ARIH1: variants seen among roughly 807,000 people sequenced by gnomAD.
ARIH1 encodes E3 ubiquitin-protein ligase ARIH1.
ARIH1 carries 8 observed loss-of-function variants against 85.0 expected under a neutral mutation model. The observed-to-expected ratio is 0.09, with a 90% CI of 0.06 to 0.17. The LOEUF is 0.17. ARIH1 is among the 10% of genes least tolerant of loss of function. The pLI is 1.00. For missense variants in ARIH1, 311 were observed against 718.1 expected (o/e 0.43, Z 6.48); for synonymous variants, 238 against 253.6 (o/e 0.94, Z 0.59).
In ARIH1 at chr15:72,474,435, T is replaced by TCCCTCCCTCCCTCCTCCGCG; in HGVS notation, c.-197_-178dup. On this transcript the variant is annotated 5_prime_UTR_variant, in exon 1 of 14. Transcript: ENST00000379887. The stretch of plus-strand genomic sequence containing the variant: ...GGCGGGCAGCAAGCGGCCCCCTCGC[T>TCCCTCCCTCCCTCCTCCGCG]CCCTCCCTCCCTCCTCCGCGCCCTC... The TCCCTCCCTCCCTCCTCCGCG allele has an allele frequency of 1.6e-6, 1 of 622,922 alleles. No individual in the cohort carries two copies. Among genetic ancestry groups the TCCCTCCCTCCCTCCTCCGCG allele is most frequent in the South Asian group, 1.9e-5 (1 of 51,550 alleles). 38.6% of individuals were successfully genotyped at this position (622,922 alleles called of 1,614,324 possible).
intron 1 of ARIH1, among the ~76,000 whole-genome samples, chr15:72,507,781 A>G (rs1409426829): frequency 5.9e-5 from 9 of 152,246 alleles, no homozygotes; most frequent in Non-Finnish European, 1.3e-4. Flanking sequence ...TTAAAGCTTC[A>G]GCTAGGACAG....
intron 1 of ARIH1, 126 bp from the exon 2 acceptor site, chr15:72,517,941 A>G: frequency 1.6e-6 from 1 of 626,724 alleles, no homozygotes; most frequent in East Asian, 2.8e-5. Flanking sequence ...AGAGGAATAA[A>G]GAAATAACTC....
In ARIH1 at chr15:72,586,940, A is replaced by T. The variant is rs1334402015; in HGVS notation, c.*3648A>T. The T allele has an allele frequency of 3.8e-6, 1 of 262,398 alleles. No homozygotes were observed. The highest frequency in any genetic ancestry group is 3.9e-5 in the South Asian group (1 of 25,838). The allele number at this position is 262,398 out of a possible 1,614,324, so 16.3% of individuals were successfully genotyped here. ...ATTTTAGCTCACTCTTAAAGCTGAT[A>T]CTGTTATATAGGGATGAAGGGAGAG... On this transcript the variant is annotated 3_prime_UTR_variant, in exon 14 of 14. Transcript: ENST00000379887.
chr15:72,570,351 G>A (rs1306608159), intron 10 of ARIH1, 44 bp downstream of exon 10: 1 of 1,609,524 alleles, frequency 6.2e-7, no homozygotes, highest in African/African-American at 1.3e-5. Context: ...ACATAAGTAT[G>A]TGCCATGTAT....
intron 12 of ARIH1, 83 bp from the exon 13 acceptor site, chr15:72,581,992 A>AGTCAACAAAACAGT (rs1360443038): frequency 3.5e-6 from 3 of 860,034 alleles, no homozygotes; most frequent in Non-Finnish European, 5.7e-6. Context: ...TGTTGAGAGC[A>AGTCAACAAAACAGT]GTCTGTAGTC....
At position 72,548,446 on chromosome 15, in the gene ARIH1, G is replaced by C. The variant is rs181122262; in HGVS notation, c.588+3482G>C. On this transcript the variant is annotated intron_variant, in intron 3 of 13. Coordinates refer to ENST00000379887, the MANE Select transcript of ARIH1 (RefSeq NM_005744.5). ...AGACTTCATGGGCTAAAGAGTCACT[G>C]ACTTGAAGGTGGGAAAGGAAATGGA... 1.3e-3 allele frequency among the ~76,000 whole-genome samples: 192 copies of C among 152,214 alleles called. No individual in the cohort carries two copies. In the Middle Eastern group the frequency reaches 0.014, roughly 11 times the overall value.
intron 2 of ARIH1, among the ~76,000 whole-genome samples, chr15:72,534,299 A>G (rs2064071099): frequency 6.6e-6 from 1 of 152,030 alleles, no homozygotes; most frequent in Non-Finnish European, 1.5e-5. Flanking sequence ...TAATTATTAA[A>G]AAAAAAAACA....
At chr15:72,529,367 C>A (rs999220906) in intron 2 of ARIH1, among the ~76,000 whole-genome samples, 5 of 152,174 alleles carry the variant, frequency 3.3e-5, no homozygotes, top group African/African-American at 7.2e-5. Context: ...CCTCAGCCTC[C>A]CTAGTGGGTA....
At chr15:72,534,715 A>G (rs1480378615) in intron 2 of ARIH1, among the ~76,000 whole-genome samples, 27 of 152,126 alleles carry the variant, frequency 1.8e-4, no homozygotes, top group Admixed American at 1.7e-3. Flanking sequence ...CATCAAAGCC[A>G]TACTCCCCGG....
chr15:72,548,378 T>C (rs1014644758), intron 3 of ARIH1, among the ~76,000 whole-genome samples: 2 of 152,124 alleles, frequency 1.3e-5, no homozygotes, highest in Admixed American at 6.5e-5. Context: ...ATTTAAAAAG[T>C]TAATTTGAAA....
intron 1 of ARIH1, among the ~76,000 whole-genome samples, chr15:72,500,315 G>A (rs1022120059): frequency 6.6e-6 from 1 of 152,038 alleles, no homozygotes; most frequent in Non-Finnish European, 1.5e-5. Flanking sequence ...GGATGATGTC[G>A]ATCTCTTGAC....
In ARIH1 at chr15:72,546,940, G is replaced by C. The variant is rs78490143; in HGVS notation, c.588+1976G>C. On this transcript the variant is annotated intron_variant, in intron 3 of 13. Coordinates refer to ENST00000379887, the MANE Select transcript of ARIH1 (RefSeq NM_005744.5). ...TTCTTTTCTTTTTTTTTGGAGGGGG[G>C]GGGGTGGGACGGAGTCTTGCTCTGT... Among the ~76,000 whole-genome samples the C allele has an allele frequency of 2.1e-3, 41 of 19,106 alleles. No individual in the cohort carries two copies. In the South Asian group the frequency reaches 0.13, roughly 60 times the overall value. 12.5% of individuals were successfully genotyped at this position (19,106 alleles called of 152,430 possible). A position where few individuals can be genotyped will look rare whatever the true frequency, so the allele number is the denominator to read the frequency against.
intron 3 of ARIH1, among the ~76,000 whole-genome samples, chr15:72,548,812 T>C (rs750596831): frequency 6.6e-6 from 1 of 152,200 alleles, no homozygotes; most frequent in Non-Finnish European, 1.5e-5. Context: ...TATATATATC[T>C]TCAGTATCTT....
In ARIH1 at chr15:72,498,474, G is replaced by T. The variant is rs574459371; in HGVS notation, c.376-19593G>T. Among the ~76,000 whole-genome samples, 43 of 152,258 alleles carry T rather than the reference G, an allele frequency of 2.8e-4. No individual in the cohort carries two copies. In the South Asian group the frequency reaches 7.5e-3, roughly 26 times the overall value. On this transcript the variant is annotated intron_variant, in intron 1 of 13. Coordinates refer to ENST00000379887, the MANE Select transcript of ARIH1 (RefSeq NM_005744.5). ...CCCTTACAGAGTTTTTGTAAAGAAG[G>T]CTGAGTGTTTTCAAAAGTTATGTTT...
intron 1 of ARIH1, among the ~76,000 whole-genome samples, chr15:72,504,012 G>A (rs575613553): frequency 2.0e-5 from 3 of 152,224 alleles, no homozygotes; most frequent in East Asian, 1.9e-4. Flanking sequence ...TGGGGCAGCC[G>A]CCCTCCACTA....
intron 10 of ARIH1, among the ~76,000 whole-genome samples, chr15:72,571,728 ATC>A (rs1006067158): frequency 2.6e-5 from 4 of 152,226 alleles, no homozygotes; most frequent in Admixed American, 1.3e-4. Context: ...AGATAAGATT[ATC>A]TCTTTCTCAA....
At chr15:72,510,338 A>T (rs759224481) in intron 1 of ARIH1, among the ~76,000 whole-genome samples, 8 of 152,070 alleles carry the variant, frequency 5.3e-5, no homozygotes, top group Non-Finnish European at 7.4e-5. Context: ...CTTTTGATGT[A>T]TGTACGAACT....
chr15:72,568,511 A>C (rs1718033258), intron 9 of ARIH1, among the ~76,000 whole-genome samples: 1 of 152,228 alleles, frequency 6.6e-6, no homozygotes, highest in South Asian at 2.1e-4. Context: ...TTTAGATTGT[A>C]GATTACCAAG....
intron 2 of ARIH1, among the ~76,000 whole-genome samples, chr15:72,531,819 A>C (rs1470387145): frequency 6.6e-6 from 1 of 152,194 alleles, no homozygotes; most frequent in Non-Finnish European, 1.5e-5. Flanking sequence ...TGTTTTAATT[A>C]ATATAAATGG....
Sources: allele counts gnomAD v4.1 joint callset (sites outside exome capture counted in the v4.1 genomes callset), GRCh38; gene constraint gnomAD v4.1.1; transcripts MANE v1.5; gene names NCBI Gene and HGNC (gene_info 2026-07-23, HGNC 2026-07-21).